CACNA1A: variants seen among roughly 807,000 people sequenced by gnomAD.
The protein encoded by CACNA1A is calcium voltage-gated channel subunit alpha1 A.
A neutral mutation model predicts 262.4 loss-of-function variants in CACNA1A; 57 were observed. The ratio of observed to expected loss-of-function variants is 0.22; its 90% CI spans 0.18 to 0.27. The LOEUF (loss-of-function observed/expected upper bound fraction) is 0.27, where lower values mean the gene tolerates loss of function less well. CACNA1A is among the 10% of genes least tolerant of loss of function. The pLI is 1.00. For synonymous variants in CACNA1A, 1,431 were observed against 1,419.3 expected, an observed-to-expected ratio of 1.01 and a Z score of -0.18; for missense variants, 2,526 against 3,562.8, an observed-to-expected ratio of 0.71 and a Z score of 7.41.
intron 5 of CACNA1A, among the ~76,000 whole-genome samples, chr19:13,361,247 C>T (rs1435084859): frequency 2.0e-5 from 3 of 152,198 alleles, no homozygotes; most frequent in African/African-American, 7.2e-5. Flanking sequence ...TGTGAAAATG[C>T]CACAAGGAGA....
chr19:13,234,784 G>T, intron 34 of CACNA1A, 137 bp downstream of exon 34: 1 of 646,620 alleles, frequency 1.5e-6, no homozygotes, highest in Non-Finnish European at 2.8e-6. Flanking sequence ...GGGTGAGGGC[G>T]CGCCCCTGCC....
chr19:13,384,748 A>G (rs1464425124), intron 3 of CACNA1A, among the ~76,000 whole-genome samples: 2 of 152,148 alleles, frequency 1.3e-5, no homozygotes, highest in African/African-American at 4.8e-5. Flanking sequence ...ACACAGAAAT[A>G]AAGTATTTTG....
intron 1 of CACNA1A, among the ~76,000 whole-genome samples, chr19:13,483,263 GC>G (rs1217947322): frequency 2.0e-5 from 3 of 152,164 alleles, no homozygotes; most frequent in African/African-American, 7.2e-5. Flanking sequence ...CACATGGAAT[GC>G]CACTTGCTGA....
intron 3 of CACNA1A, among the ~76,000 whole-genome samples, chr19:13,389,801 TTTA>T (rs1364924489): frequency 2.0e-5 from 3 of 151,996 alleles, no homozygotes; most frequent in Admixed American, 6.6e-5. Flanking sequence ...TTATTTTTAC[TTTA>T]TTATTATTTA....
At chr19:13,276,255 C>T (rs2057145250) in intron 23 of CACNA1A, among the ~76,000 whole-genome samples, 1 of 152,228 alleles carries the variant, frequency 6.6e-6, no homozygotes, top group Non-Finnish European at 1.5e-5. Context: ...ATCAGCAAAA[C>T]TCACTGGCTC....
intron 3 of CACNA1A, among the ~76,000 whole-genome samples, chr19:13,385,554 C>T (rs2059597189): frequency 6.6e-6 from 1 of 151,720 alleles, no homozygotes; most frequent in Non-Finnish European, 1.5e-5. Flanking sequence ...AGACAGAGTC[C>T]TAGTATGCTG....
intron 10 of CACNA1A, among the ~76,000 whole-genome samples, chr19:13,322,356 C>A (rs1434346022): frequency 6.6e-6 from 1 of 152,118 alleles, no homozygotes; most frequent in African/African-American, 2.4e-5. Flanking sequence ...GGAACAGATT[C>A]TCCCCTAAAA....
Position 13,212,020 on chromosome 19 carries a change from C to T in CACNA1A, c.6303+83G>A. On this transcript the variant is annotated intron_variant, in intron 43 of 46. Transcript: ENST00000360228. This position sits in a 1 kb window ranked among gnomAD's most constrained non-coding sequence, Gnocchi z 5.6. Reference sequence around the variant, plus strand: ...GCCTGAGTCCGGCAGGGAGGGGATGCACTGGGCTGCTTGTGGGGGGGCCTG... The same window carrying T: ...GCCTGAGTCCGGCAGGGAGGGGATGTACTGGGCTGCTTGTGGGGGGGCCTG... 3.1e-6 allele frequency: 3 copies of T among 962,988 alleles called. No homozygotes were observed. Among genetic ancestry groups the T allele is most frequent in the South Asian group, 1.4e-5 (1 of 70,144 alleles). The allele number at this position is 962,988 out of a possible 1,614,324, so 59.7% of individuals were successfully genotyped here. A position where few individuals can be genotyped will look rare whatever the true frequency, so the allele number is the denominator to read the frequency against.
chr19:13,243,036 C>T lies in CACNA1A; in HGVS notation c.4950+2146G>A, dbSNP rs971673961. ...AGGTTTCAGCTAACTTCCTCCACCC[C>T]ACCTGCCCTTCTGGGGAGCTGGACC... On this transcript the variant is annotated intron_variant, in intron 31 of 46. Coordinates refer to ENST00000360228, the MANE Select transcript of CACNA1A (RefSeq NM_001127222.2). Among the ~76,000 whole-genome samples the T allele has an allele frequency of 9.2e-5, 14 of 152,362 alleles. No individual in the cohort carries two copies. The East Asian group carries it at 2.7e-3, about 29-fold the overall frequency.
At chr19:13,312,363 T>C (rs187085616) in intron 12 of CACNA1A, among the ~76,000 whole-genome samples, 6 of 152,236 alleles carry the variant, frequency 3.9e-5, no homozygotes, top group African/African-American at 1.4e-4. Context: ...GTTGGGTACT[T>C]AGTTGGAGCG....
At chr19:13,447,268 T>A (rs1408913986) in intron 3 of CACNA1A, among the ~76,000 whole-genome samples, 1 of 152,202 alleles carries the variant, frequency 6.6e-6, no homozygotes, top group Non-Finnish European at 1.5e-5. Flanking sequence ...AACGATGAGC[T>A]CTCACCCTTA....
At chr19:13,345,895 CTTTTTTTTTTTT>C (rs55982966) in intron 6 of CACNA1A, among the ~76,000 whole-genome samples, 1 of 100,532 alleles carries the variant, frequency 9.9e-6, no homozygotes, top group Non-Finnish European at 2.0e-5. Flanking sequence ...TTCACGAAGT[CTTTTTTTTTTTT>C]TTTTTTTTTT....
rs2057767491 is a variant in CACNA1A at position 13,300,578 on chromosome 19, G to A, written c.2251C>T (p.Leu751=). 6.2e-7 allele frequency: 1 copy of A among 1,613,774 alleles called. No homozygotes were observed. The highest frequency in any genetic ancestry group is 8.5e-7 in the Non-Finnish European group (1 of 1,179,682). Residue 751 remains leucine (L), a synonymous_variant, in exon 18 of 47, where the codon CTG becomes TTG. Coordinates refer to ENST00000360228, the MANE Select transcript of CACNA1A (RefSeq NM_001127222.2). Reference sequence around the variant, plus strand: ...GCTATAGACATGTTGGCCGCGGACAGAGGACTCACTTCTGCCACCTCCTTG... The same window carrying A: ...GCTATAGACATGTTGGCCGCGGACAAAGGACTCACTTCTGCCACCTCCTTG... ...KAKEVAEVSP[L]SAANMSIAVK...
intron 30 of CACNA1A, among the ~76,000 whole-genome samples, chr19:13,249,770 C>T (rs1568460808): frequency 6.6e-6 from 1 of 152,048 alleles, no homozygotes; most frequent in Non-Finnish European, 1.5e-5. Context: ...GAGGATGGCT[C>T]CTTTTAATGA....
At chr19:13,310,119 A>G (rs4926265) in intron 12 of CACNA1A, among the ~76,000 whole-genome samples, 45,185 of 151,584 alleles carry the variant, frequency 0.3, 7,140 homozygotes, top group African/African-American at 0.38. Flanking sequence ...TTGTGTTTTC[A>G]AGGTCCTCGC....
chr19:13,223,159 G>C (rs2055300943), intron 38 of CACNA1A, among the ~76,000 whole-genome samples: 1 of 151,872 alleles, frequency 6.6e-6, no homozygotes, highest in African/African-American at 2.4e-5. Context: ...TGAGTAGCTG[G>C]GACCACAGGC....
chr19:13,338,202 G>C (rs369767747), intron 6 of CACNA1A, among the ~76,000 whole-genome samples: 2 of 151,892 alleles, frequency 1.3e-5, no homozygotes, highest in Non-Finnish European at 2.9e-5. Context: ...GCAACAGAGC[G>C]AGACTTCGTC....
chr19:13,316,696 C>T (rs1398542215), intron 11 of CACNA1A: 1 of 156,164 alleles, frequency 6.4e-6, no homozygotes, highest in African/African-American at 2.4e-5. Context: ...CTCCTTATTT[C>T]TAAGGCATCC....
chr19:13,424,907 C>A (rs1433604414), intron 3 of CACNA1A, among the ~76,000 whole-genome samples: 2 of 151,972 alleles, frequency 1.3e-5, no homozygotes, highest in Non-Finnish European at 2.9e-5. Context: ...CGGGTTCAAG[C>A]AATTCTCCTG....
Sources: gnomAD v4.1 joint callset for allele counts (sites outside exome capture counted in the v4.1 genomes callset) on GRCh38, gnomAD v4.1.1 for gene constraint, Gnocchi (gnomAD v3.1) non-coding constraint, MANE v1.5 for transcripts, NCBI Gene and HGNC (gene_info 2026-07-23, HGNC 2026-07-21) for gene names.